RNF157: variants seen among roughly 807,000 people sequenced by gnomAD.
RNF157 encodes the protein ring finger protein 157.
In RNF157, 55 loss-of-function variants were observed where a neutral mutation model predicts 88.3. That is an observed-to-expected ratio of 0.62 (90% confidence interval 0.50 to 0.78). The LOEUF is 0.78. Ranked by LOEUF, RNF157 falls within the 30% of genes least tolerant of loss-of-function variation. RNF157 has a pLI of 0.00. For synonymous variants in RNF157, 334 were observed against 341.2 expected (o/e 0.98, Z 0.23); for missense variants, 788 against 860.8 (o/e 0.92, Z 1.06).
At chr17:76,215,495 AAAAAG>A (rs570353444) in intron 1 of RNF157, among the ~76,000 whole-genome samples, 4 of 150,290 alleles carry the variant, frequency 2.7e-5, no homozygotes, top group Non-Finnish European at 5.9e-5. Context: ...GAAAGAAAGA[AAAAAG>A]AAAAGAAAAG....
chr17:76,216,865 T>C (rs1318257484), intron 1 of RNF157, among the ~76,000 whole-genome samples: 2 of 151,588 alleles, frequency 1.3e-5, no homozygotes, highest in African/African-American at 4.8e-5. Flanking sequence ...CATTCCAGTC[T>C]GGGTAAAAGA....
chr17:76,235,258 C>T (rs1470781299), intron 1 of RNF157, among the ~76,000 whole-genome samples: 1 of 150,058 alleles, frequency 6.7e-6, no homozygotes, highest in East Asian at 2.0e-4. Flanking sequence ...AGTGCAGTGG[C>T]ACGATCTCGG....
intron 2 of RNF157, among the ~76,000 whole-genome samples, chr17:76,202,142 A>C (rs879555466): frequency 6.7e-6 from 1 of 150,046 alleles, no homozygotes; most frequent in Admixed American, 6.7e-5. Context: ...ACACACACAC[A>C]CACACACACA....
At chr17:76,185,475 C>CTTTTTTTT (rs71161271) in intron 2 of RNF157, among the ~76,000 whole-genome samples, 60 of 141,902 alleles carry the variant, frequency 4.2e-4, no homozygotes, top group African/African-American at 7.9e-4. Flanking sequence ...TTAGTCCTTT[C>CTTTTTTTT]TTTTTTTTTT....
At chr17:76,237,093 C>G (rs570532857) in intron 1 of RNF157, among the ~76,000 whole-genome samples, 2 of 152,252 alleles carry the variant, frequency 1.3e-5, no homozygotes, top group African/African-American at 4.8e-5. Flanking sequence ...ATAAATAATT[C>G]TAAATAATTT....
rs191595648 is a variant in RNF157 at position 76,157,059 on chromosome 17, T to C, written c.1414-738A>G. Among the ~76,000 whole-genome samples, 615 of 152,022 alleles carry C rather than the reference T, an allele frequency of 4.0e-3. 1 individual carries two copies. Among genetic ancestry groups the C allele is most frequent in the African/African-American group, 0.013 (534 of 41,450 alleles). On this transcript the variant is annotated intron_variant, in intron 13 of 18. Transcript: ENST00000269391. The surrounding 1 kb of genome is among the most constrained non-coding windows in gnomAD (Gnocchi z 5.6). ...TTGGCTCACTGCAACCCCTGCCTCCTGGGTTCAAGCGATTCTCCTGCCTCA... is the reference window on the plus strand; with the variant it reads ...TTGGCTCACTGCAACCCCTGCCTCCCGGGTTCAAGCGATTCTCCTGCCTCA...
At chr17:76,207,672 A>G (rs2069704741) in intron 2 of RNF157, among the ~76,000 whole-genome samples, 1 of 152,180 alleles carries the variant, frequency 6.6e-6, no homozygotes, top group Admixed American at 6.5e-5. Flanking sequence ...TGGCTTTAAA[A>G]GGTTGTTCTC....
chr17:76,238,503 C>T (rs2070320125), intron 1 of RNF157, among the ~76,000 whole-genome samples: 1 of 152,176 alleles, frequency 6.6e-6, no homozygotes, highest in Non-Finnish European at 1.5e-5. Flanking sequence ...ATTATCATCA[C>T]CCAAGATTCA....
chr17:76,165,604 G>A, intron 6 of RNF157, 59 bp from the exon 7 acceptor site: 1 of 1,579,576 alleles, frequency 6.3e-7, no homozygotes, highest in South Asian at 1.1e-5. Flanking sequence ...TGATGCCCAT[G>A]ACTTTCTCCA....
At chr17:76,194,759 T>C (rs556350792) in intron 2 of RNF157, among the ~76,000 whole-genome samples, 1 of 152,160 alleles carries the variant, frequency 6.6e-6, no homozygotes, top group Admixed American at 6.5e-5. Flanking sequence ...CTCACACCTG[T>C]AATCCCAGCA....
chr17:76,228,546 CT>C (rs2070134017), intron 1 of RNF157, among the ~76,000 whole-genome samples: 2 of 152,160 alleles, frequency 1.3e-5, no homozygotes, highest in African/African-American at 4.8e-5. Context: ...TGGCTTCTTA[CT>C]TACCTCATCC....
At chr17:76,182,017 G>GGGACACAGT (rs1195058014) in intron 2 of RNF157, among the ~76,000 whole-genome samples, 1 of 152,006 alleles carries the variant, frequency 6.6e-6, no homozygotes, top group Non-Finnish European at 1.5e-5. Context: ...CTAGGCCTGA[G>GGGACACAGT]GGACACAGTG....
At chr17:76,165,693 T>TG in intron 6 of RNF157, 148 bp from the exon 7 acceptor site, 1 of 788,890 alleles carries the variant, frequency 1.3e-6, no homozygotes, top group Non-Finnish European at 2.1e-6. Context: ...CTTTTTTTTT[T>TG]TTGAGACAGA....
At chr17:76,185,488 G>A (rs867354231) in intron 2 of RNF157, among the ~76,000 whole-genome samples, 1 of 111,242 alleles carries the variant, frequency 9.0e-6, no homozygotes, top group African/African-American at 4.6e-5. Flanking sequence ...TTTTTTTTTT[G>A]AGACGGAGTC....
intron 2 of RNF157, among the ~76,000 whole-genome samples, chr17:76,202,029 C>CA (rs1183347445): frequency 2.8e-5 from 4 of 144,976 alleles, no homozygotes; most frequent in Non-Finnish European, 6.1e-5. Context: ...GGCTAAAGGA[C>CA]AAAAAAAAAT....
At chr17:76,207,039 T>C (rs1342735650) in intron 2 of RNF157, among the ~76,000 whole-genome samples, 2 of 152,240 alleles carry the variant, frequency 1.3e-5, no homozygotes, top group Admixed American at 1.3e-4. Flanking sequence ...ACTTGAAATC[T>C]AGATTCCAAC....
chr17:76,235,221 G>A (rs929778774), intron 1 of RNF157, among the ~76,000 whole-genome samples: 7 of 146,058 alleles, frequency 4.8e-5, no homozygotes, highest in African/African-American at 1.0e-4. Flanking sequence ...TTTTTGAGAC[G>A]GAGTCTCGCT....
At chr17:76,232,200 T>G (rs72868742) in intron 1 of RNF157, among the ~76,000 whole-genome samples, 21,432 of 151,974 alleles carry the variant, frequency 0.14, 2,238 homozygotes, top group African/African-American at 0.28. Context: ...CAGGGCAACG[T>G]AGTGGGACCC....
intron 17 of RNF157, chr17:76,152,680 C>G (rs2585736): frequency 0.028 from 13,944 of 494,900 alleles, 264 homozygotes; most frequent in Non-Finnish European, 0.038. Flanking sequence ...CCCTAGAGCC[C>G]TTTCTGTCTG....
Sources: gnomAD v4.1 joint callset for allele counts (sites outside exome capture counted in the v4.1 genomes callset) on GRCh38, gnomAD v4.1.1 for gene constraint, Gnocchi (gnomAD v3.1) non-coding constraint, MANE v1.5 for transcripts, NCBI Gene and HGNC (gene_info 2026-07-23, HGNC 2026-07-21) for gene names.